CSF1: variants seen among roughly 807,000 people sequenced by gnomAD.
CSF1 encodes the protein macrophage colony-stimulating factor 1.
In CSF1, 9 loss-of-function variants were observed where a neutral mutation model predicts 48.9. The observed-to-expected ratio is 0.18, with a 90% CI of 0.11 to 0.32. The LOEUF (loss-of-function observed/expected upper bound fraction) is 0.32, where lower values mean the gene tolerates loss of function less well. Ranked by LOEUF, CSF1 falls within the 10% of genes least tolerant of loss-of-function variation. The pLI, the probability that CSF1 is intolerant of heterozygous loss-of-function variation, is 1.00. For synonymous variants in CSF1, 305 were observed against 284.1 expected (o/e 1.07, Z -0.74); for missense variants, 672 against 697.9 (o/e 0.96, Z 0.42).
Position 109,923,355 on chromosome 1 carries a change from A to G in CSF1, c.734A>G (p.Asp245Gly), listed in dbSNP as rs1415110249. The change falls in exon 6 of 9, where the codon GAT (aspartate) becomes GGT (glycine). Residue 245 changes from aspartate to glycine, a missense_variant. By Grantham distance (94) the Asp-to-Gly change is moderately conservative. Around this residue, in one of 3 missense-constraint regions of CSF1, gnomAD observed 591 missense variants for 593.6 expected, o/e 1.00. Transcript: ENST00000329608. ...LPGEQPLHTVDPGSAKQRPPR... is the reference protein window; with the variant it reads ...LPGEQPLHTVGPGSAKQRPPR... ...GGTGAGCAGCCCCTGCACACAGTGGATCCAGGCAGTGCCAAGCAGCGGCCA... is the reference window on the plus strand; with the variant it reads ...GGTGAGCAGCCCCTGCACACAGTGGGTCCAGGCAGTGCCAAGCAGCGGCCA... 2.5e-6 allele frequency: 4 copies of G among 1,612,458 alleles called. No homozygotes were observed. Among genetic ancestry groups the G allele is most frequent in the Admixed American group, 1.7e-5 (1 of 59,870 alleles).
chr1:109,917,929 T>C (rs1466841001), intron 4 of CSF1, among the ~76,000 whole-genome samples: 1 of 152,176 alleles, frequency 6.6e-6, no homozygotes, highest in African/African-American at 2.4e-5. Context: ...TAACAAAATA[T>C]GTAAGTAAAA....
chr1:109,926,885 AAG>A (rs1426569286), intron 8 of CSF1: 1 of 152,176 alleles, frequency 6.6e-6, no homozygotes, highest in Non-Finnish European at 1.5e-5. Context: ...GGGTTCTACT[AAG>A]AGAGGGCCTC....
intron 5 of CSF1, 131 bp from the exon 6 acceptor site, chr1:109,923,035 G>A: frequency 1.2e-6 from 1 of 843,152 alleles, no homozygotes; most frequent in Non-Finnish European, 1.8e-6. Context: ...CAGCCCCAGG[G>A]CTGAGCTAGG....
At chr1:109,925,675 T>C (rs1416144388) in intron 8 of CSF1, among the ~76,000 whole-genome samples, 1 of 152,150 alleles carries the variant, frequency 6.6e-6, no homozygotes, top group African/African-American at 2.4e-5. Context: ...AGGTCAGTTC[T>C]GCTTCCTTGC....
intron 2 of CSF1, among the ~76,000 whole-genome samples, chr1:109,914,887 T>C (rs889266094): frequency 3.3e-5 from 5 of 152,232 alleles, no homozygotes; most frequent in African/African-American, 9.6e-5. Context: ...GCCCATACCC[T>C]GAGGCTGGGA....
At chr1:109,927,056 T>C (rs772248789) in intron 8 of CSF1, among the ~76,000 whole-genome samples, 7 of 152,190 alleles carry the variant, frequency 4.6e-5, no homozygotes, top group Non-Finnish European at 8.8e-5. Context: ...GCTGGCTGGG[T>C]GAATGACTAA....
At chr1:109,912,893 C>T (rs2101638862) in intron 1 of CSF1, among the ~76,000 whole-genome samples, 1 of 152,274 alleles carries the variant, frequency 6.6e-6, no homozygotes, top group South Asian at 2.1e-4. Context: ...CCACACTTTC[C>T]CTCCCTCAGA....
intron 1 of CSF1, among the ~76,000 whole-genome samples, chr1:109,911,527 G>A (rs3093053): frequency 0.11 from 17,109 of 152,152 alleles, 1,543 homozygotes; most frequent in African/African-American, 0.24. Flanking sequence ...AGTTCAGGGG[G>A]TCAACCAGCT....
rs1165018217 is a variant in CSF1 at position 109,910,891 on chromosome 1, C to T, written c.-133C>T. 1 of 565,108 alleles carries T rather than the reference C, an allele frequency of 1.8e-6. No individual in the cohort carries two copies. Among genetic ancestry groups the T allele is most frequent in the Admixed American group, 5.8e-5 (1 of 17,218 alleles). The allele number at this position is 565,108 out of a possible 1,614,324, so 35.0% of individuals were successfully genotyped here. ...AAGTGAAAGTTTGCCTGGGTCCTCT[C>T]GGCGCCAGAGCCGCTCTCCGCATCC... On this transcript the variant is annotated 5_prime_UTR_variant, in exon 1 of 9. Transcript: ENST00000329608.
At position 109,910,968 on chromosome 1, in the gene CSF1, G is replaced by T; in HGVS notation, c.-56G>T. ...GGGCGCCCACTCCGCAGCAGCCAGCGAGCGAGCGAGCGAGCGAGGGCGGCC... is the reference window on the plus strand; with the variant it reads ...GGGCGCCCACTCCGCAGCAGCCAGCTAGCGAGCGAGCGAGCGAGGGCGGCC... On this transcript the variant is annotated 5_prime_UTR_variant, in exon 1 of 9. Coordinates refer to ENST00000329608, the MANE Select transcript of CSF1 (RefSeq NM_000757.6). The T allele has an allele frequency of 9.4e-7, 1 of 1,067,434 alleles. No homozygotes were observed. Among genetic ancestry groups the T allele is most frequent in the Non-Finnish European group, 1.2e-6 (1 of 866,884 alleles). 66.1% of individuals were successfully genotyped at this position (1,067,434 alleles called of 1,614,324 possible).
At chr1:109,921,096 C>T (rs993566594) in intron 4 of CSF1, among the ~76,000 whole-genome samples, 1 of 152,100 alleles carries the variant, frequency 6.6e-6, no homozygotes, top group Non-Finnish European at 1.5e-5. Flanking sequence ...CACACCACAG[C>T]TCAATGATTT....
At chr1:109,913,825 C>T (rs1451877256) in intron 1 of CSF1, among the ~76,000 whole-genome samples, 1 of 152,214 alleles carries the variant, frequency 6.6e-6, no homozygotes, top group African/African-American at 2.4e-5. Flanking sequence ...GGCTTGCCAT[C>T]TGAAAGCCGG....
In CSF1 at chr1:109,911,148, G is replaced by A. The variant is rs898867971; in HGVS notation, c.39+86G>A. 7 of 856,428 alleles carry A rather than the reference G, an allele frequency of 8.2e-6. No individual in the cohort carries two copies. The Admixed American group carries it at 3.0e-4, about 37-fold the overall frequency. The allele number at this position is 856,428 out of a possible 1,614,324, so 53.1% of individuals were successfully genotyped here. On this transcript the variant is annotated intron_variant, in intron 1 of 8. Transcript: ENST00000329608. ...CGGCCGGGAGCGGCCCCTCGGAGCC[G>A]ACAGCCTGGGCGCGCCGGCTGCACT...
chr1:109,920,633 C>T (rs1053400545), intron 4 of CSF1, among the ~76,000 whole-genome samples: 2 of 152,176 alleles, frequency 1.3e-5, no homozygotes, highest in Non-Finnish European at 2.9e-5. Flanking sequence ...GTAAACATTT[C>T]TTAAGGGCTG....
rs1232361546 is a variant in CSF1 at position 109,923,695 on chromosome 1, G to A, written c.1074G>A (p.Gln358=). The A allele has an allele frequency of 1.4e-5, 22 of 1,613,586 alleles. No individual in the cohort carries two copies. The highest frequency in any genetic ancestry group is 1.9e-5 in the Non-Finnish European group (22 of 1,179,702). The change falls in exon 6 of 9, where the codon CAG becomes CAA. Residue 358 remains glutamine, a synonymous_variant. Transcript: ENST00000329608. ...TCCCTGCATCAGCAAAGGGCCAACA[G>A]CCGGCAGATGTAACTGGTACCGCCT... ...SPLPASAKGQ[Q]PADVTGTALP... is the part of the protein sequence containing the mutation.
intron 8 of CSF1, among the ~76,000 whole-genome samples, chr1:109,925,863 A>G (rs1244756601): frequency 6.6e-6 from 1 of 152,080 alleles, no homozygotes; most frequent in Non-Finnish European, 1.5e-5. Context: ...AGCCCATGCC[A>G]TCTTCCAGTC....
chr1:109,915,442 A>G (rs1654858310), intron 2 of CSF1, among the ~76,000 whole-genome samples, 192 bp from the exon 3 acceptor site: 2 of 152,204 alleles, frequency 1.3e-5, no homozygotes, highest in South Asian at 2.1e-4. Context: ...TTGTTCTTCT[A>G]CAGCCTTCCC....
intron 5 of CSF1, among the ~76,000 whole-genome samples, 168 bp from the exon 6 acceptor site, chr1:109,922,998 G>A (rs1647633151): frequency 6.6e-6 from 1 of 152,134 alleles, no homozygotes; most frequent in Non-Finnish European, 1.5e-5. Flanking sequence ...TGTGTCATGA[G>A]CACCCACTCT....
chr1:109,911,204 C>A (rs905408408), intron 1 of CSF1, 142 bp downstream of exon 1: 5 of 436,214 alleles, frequency 1.1e-5, no homozygotes, highest in Non-Finnish European at 1.5e-5. Context: ...GACGAACCGC[C>A]TTTGCGCACG....
Sources: allele counts gnomAD v4.1 joint callset (sites outside exome capture counted in the v4.1 genomes callset), GRCh38; gene constraint gnomAD v4.1.1; regional missense constraint gnomAD v4.1.1; transcripts MANE v1.5; gene names NCBI Gene and HGNC (gene_info 2026-07-23, HGNC 2026-07-21).